Variants in PAM observed in about 807,000 individuals in gnomAD.
The protein encoded by PAM is peptidylglycine alpha-amidating monooxygenase.
In PAM, 72 loss-of-function variants were observed where a neutral mutation model predicts 122.1. The ratio of observed to expected loss-of-function variants is 0.59; its 90% CI spans 0.49 to 0.72. The LOEUF is 0.72. PAM is among the 30% of genes least tolerant of loss of function. The pLI is 0.00. For missense variants in PAM, 1,106 were observed against 1,183.7 expected (o/e 0.93, Z 0.96); for synonymous variants, 389 against 404.4 (o/e 0.96, Z 0.46).
At chr5:102,903,689 CAG>C (rs1159783216) in intron 4 of PAM, among the ~76,000 whole-genome samples, 4 of 151,446 alleles carry the variant, frequency 2.6e-5, no homozygotes, top group Non-Finnish European at 4.4e-5. Context: ...GAAGAGGAAA[CAG>C]AAAGTCAGAG....
At chr5:103,020,779 C>T (rs1031264884) in intron 23 of PAM, among the ~76,000 whole-genome samples, 3 of 152,026 alleles carry the variant, frequency 2.0e-5, no homozygotes, top group Non-Finnish European at 4.4e-5. Flanking sequence ...AAATGAAAAG[C>T]AGCAACAGCA....
At chr5:102,916,072 G>A (rs1451153240) in intron 5 of PAM, among the ~76,000 whole-genome samples, 1 of 152,102 alleles carries the variant, frequency 6.6e-6, no homozygotes, top group African/African-American at 2.4e-5. Context: ...CATAGTAGAA[G>A]GAAAGAGCAG....
chr5:102,802,455 G>C (rs895823767), intron 1 of PAM, among the ~76,000 whole-genome samples: 1 of 152,076 alleles, frequency 6.6e-6, no homozygotes. Flanking sequence ...CTATTACATA[G>C]ACTGAGAAAA....
At chr5:102,774,167 T>C (rs1670132349) in intron 1 of PAM, among the ~76,000 whole-genome samples, 1 of 152,134 alleles carries the variant, frequency 6.6e-6, no homozygotes, top group Admixed American at 6.6e-5. Context: ...AGCGCTGCAG[T>C]GAACGTTGAT....
At chr5:102,851,297 CTT>C (rs1156951329) in intron 1 of PAM, among the ~76,000 whole-genome samples, 1 of 152,074 alleles carries the variant, frequency 6.6e-6, no homozygotes, top group Non-Finnish European at 1.5e-5. Context: ...CATAATTAAA[CTT>C]AAATATTTTA....
intron 3 of PAM, among the ~76,000 whole-genome samples, chr5:102,897,902 C>G (rs1796636832): frequency 6.6e-6 from 1 of 151,526 alleles, no homozygotes; most frequent in African/African-American, 2.4e-5. Flanking sequence ...TTTTGTTTGT[C>G]TCATAATAAT....
At chr5:102,772,443 C>G (rs1449287853) in intron 1 of PAM, among the ~76,000 whole-genome samples, 1 of 152,072 alleles carries the variant, frequency 6.6e-6, no homozygotes, top group Non-Finnish European at 1.5e-5. Flanking sequence ...TCTCTACCAA[C>G]ACCAAGCTTG....
chr5:102,869,520 C>T (rs1324405828), intron 3 of PAM, among the ~76,000 whole-genome samples: 1 of 152,188 alleles, frequency 6.6e-6, no homozygotes, highest in African/African-American at 2.4e-5. Flanking sequence ...AGTTGCTCTG[C>T]CTGACAGCTC....
chr5:102,806,309 G>A (rs1182365732), intron 1 of PAM, among the ~76,000 whole-genome samples: 2 of 152,206 alleles, frequency 1.3e-5, no homozygotes, highest in African/African-American at 2.4e-5. Flanking sequence ...TCTGAGGGCA[G>A]GTAAGCCAGG....
intron 1 of PAM, among the ~76,000 whole-genome samples, chr5:102,808,821 C>A (rs1431689732): frequency 3.3e-5 from 5 of 152,154 alleles, no homozygotes; most frequent in African/African-American, 1.2e-4. Context: ...ACTTTTATAG[C>A]TTTTCAATAT....
chr5:102,907,213 A>G (rs1450614952), intron 4 of PAM, among the ~76,000 whole-genome samples: 1 of 151,804 alleles, frequency 6.6e-6, no homozygotes, highest in Non-Finnish European at 1.5e-5. Context: ...ATTAATGACA[A>G]TTTCACTATT....
chr5:102,977,308 A>G (rs528998707), intron 15 of PAM, among the ~76,000 whole-genome samples: 2 of 152,070 alleles, frequency 1.3e-5, no homozygotes, highest in Non-Finnish European at 1.5e-5. Flanking sequence ...TACGGGTTGG[A>G]TATCAGTGGT....
chr5:102,945,384 GCAATATTTATATTGAAATATAAATT>G (rs556684721), intron 7 of PAM, among the ~76,000 whole-genome samples: 4 of 151,396 alleles, frequency 2.6e-5, no homozygotes, highest in Non-Finnish European at 4.4e-5. Context: ...GTGGAAATGT[GCAATATTTATATTGAAATATAAATT>G]CAATATTTAT....
chr5:102,870,311 A>G (rs1368719875), intron 3 of PAM, among the ~76,000 whole-genome samples: 1 of 152,146 alleles, frequency 6.6e-6, no homozygotes, highest in African/African-American at 2.4e-5. Flanking sequence ...TCTTTGGAAA[A>G]CTTGAGATTG....
At chr5:102,872,906 G>A (rs531963938) in intron 3 of PAM, among the ~76,000 whole-genome samples, 7 of 152,134 alleles carry the variant, frequency 4.6e-5, no homozygotes, top group Admixed American at 6.5e-5. Flanking sequence ...AATTAGCAAC[G>A]GGGCCTACTT....
intron 16 of PAM, among the ~76,000 whole-genome samples, chr5:103,001,829 C>T (rs1777480739): frequency 6.6e-6 from 1 of 152,016 alleles, no homozygotes; most frequent in South Asian, 2.1e-4. Context: ...GTTACCTTCC[C>T]AAATTGCAAA....
chr5:102,997,905 C>T (rs537233836), intron 16 of PAM, among the ~76,000 whole-genome samples: 2 of 152,304 alleles, frequency 1.3e-5, no homozygotes. Context: ...ACCTGACTGG[C>T]ACAAGGACTG....
intron 15 of PAM, among the ~76,000 whole-genome samples, chr5:102,987,116 A>G (rs1349059148): frequency 2.0e-5 from 3 of 152,168 alleles, no homozygotes; most frequent in Non-Finnish European, 4.4e-5. Flanking sequence ...CTGCAATACT[A>G]TTTACAGTAG....
At chr5:102,801,570 A>C (rs1375568146) in intron 1 of PAM, among the ~76,000 whole-genome samples, 2 of 152,144 alleles carry the variant, frequency 1.3e-5, no homozygotes, top group Non-Finnish European at 2.9e-5. Context: ...TGCACAAAAA[A>C]ACCTTGCTTC....
Sources: gnomAD v4.1 joint callset for allele counts (sites outside exome capture counted in the v4.1 genomes callset) on GRCh38, gnomAD v4.1.1 for gene constraint, MANE v1.5 for transcripts, NCBI Gene and HGNC (gene_info 2026-07-23, HGNC 2026-07-21) for gene names.